The following PRKD3 variants were observed in gnomAD, a reference collection of about 807,000 sequenced individuals.
PRKD3 encodes the protein protein kinase D3.
PRKD3 carries 47 observed loss-of-function variants against 99.2 expected under a neutral mutation model. That is an observed-to-expected ratio of 0.47 (90% CI 0.38 to 0.60). The LOEUF is 0.60. Ranked by LOEUF, PRKD3 falls within the 20% of genes least tolerant of loss-of-function variation. The pLI is 0.00. For missense variants in PRKD3, 1,019 were observed against 1,088.4 expected (o/e 0.94, Z 0.90); for synonymous variants, 392 against 355.4 (o/e 1.10, Z -1.16).
At chr2:37,267,759 G>A in intron 13 of PRKD3, 1 of 439,128 alleles carries the variant, frequency 2.3e-6, no homozygotes, top group Non-Finnish European at 4.0e-6. Context: ...TATCTAAACA[G>A]GAGAAAATTT....
chr2:37,258,914 T>C (rs1668189194), intron 16 of PRKD3, among the ~76,000 whole-genome samples: 1 of 152,172 alleles, frequency 6.6e-6, no homozygotes, highest in Non-Finnish European at 1.5e-5. Context: ...ATCGGAGGAA[T>C]CATCCTTGCC....
intron 2 of PRKD3, among the ~76,000 whole-genome samples, chr2:37,311,881 G>C (rs1274034471): frequency 1.3e-5 from 2 of 152,104 alleles, no homozygotes; most frequent in African/African-American, 4.8e-5. Flanking sequence ...AATTGGTCTA[G>C]GAAGGACCTG....
At chr2:37,261,448 T>C (rs1004423908) in intron 14 of PRKD3, among the ~76,000 whole-genome samples, 2 of 149,754 alleles carry the variant, frequency 1.3e-5, no homozygotes, top group African/African-American at 5.0e-5. Flanking sequence ...GATCATGCCA[T>C]TGCACTCCAG....
chr2:37,303,314 G>A lies in PRKD3; in HGVS notation c.289-10043C>T, dbSNP rs75019707. On this transcript the variant is annotated intron_variant, in intron 2 of 18. Transcript: ENST00000234179. ...TGTTCTTAGATGCCAGACAAGCACT[G>A]GAGACCCAACAAGTGCCAGTACCCC... 1.4e-3 allele frequency among the ~76,000 whole-genome samples: 216 copies of A among 152,226 alleles called. 6 individuals are homozygous for A. In the East Asian group the frequency reaches 0.031, roughly 22 times the overall value.
At chr2:37,283,530 G>T (rs779488315) in intron 6 of PRKD3, among the ~76,000 whole-genome samples, 4 of 152,172 alleles carry the variant, frequency 2.6e-5, no homozygotes, top group Non-Finnish European at 4.4e-5. Flanking sequence ...GTATAATTTG[G>T]TGGAGAATAA....
intron 1 of PRKD3, among the ~76,000 whole-genome samples, chr2:37,321,990 A>G (rs1400912452): frequency 1.3e-5 from 2 of 152,256 alleles, no homozygotes; most frequent in Non-Finnish European, 2.9e-5. Context: ...CTATTGGAAT[A>G]ACAATATTTA....
At chr2:37,291,305 A>G (rs1292351786) in intron 3 of PRKD3, among the ~76,000 whole-genome samples, 2 of 152,242 alleles carry the variant, frequency 1.3e-5, no homozygotes, top group African/African-American at 4.8e-5. Context: ...AAAACTGCTT[A>G]ACTTACACAG....
intron 2 of PRKD3, among the ~76,000 whole-genome samples, chr2:37,313,031 T>C (rs543247267): frequency 7.2e-5 from 11 of 152,346 alleles, no homozygotes; most frequent in African/African-American, 2.6e-4. Flanking sequence ...TTCTAAGGTA[T>C]ATATTACATT....
At chr2:37,324,615 A>AGCG (rs79931255) in intron 1 of PRKD3, 66 bp downstream of exon 1, 43,164 of 142,842 alleles carry the variant, frequency 0.3, 7,561 homozygotes, top group East Asian at 0.41. Flanking sequence ...GGGAGAACAA[A>AGCG]GCGGCGGCGG....
intron 18 of PRKD3, among the ~76,000 whole-genome samples, chr2:37,253,685 A>G (rs1188246325): frequency 2.6e-5 from 4 of 152,162 alleles, no homozygotes; most frequent in Non-Finnish European, 5.9e-5. Flanking sequence ...AAAGTGGGGG[A>G]AAGTGCTTGG....
In PRKD3 at chr2:37,252,950, TA is replaced by T; in HGVS notation, c.*226del. The T allele has an allele frequency of 8.4e-6, 3 of 359,076 alleles. No homozygotes were observed. Among genetic ancestry groups the T allele is most frequent in the East Asian group, 4.3e-5 (1 of 23,048 alleles). 22.2% of individuals were successfully genotyped at this position (359,076 alleles called of 1,614,324 possible). A position where few individuals can be genotyped will look rare whatever the true frequency, so the allele number is the denominator to read the frequency against. On this transcript the variant is annotated 3_prime_UTR_variant, in exon 19 of 19. Coordinates refer to ENST00000234179, the MANE Select transcript of PRKD3 (RefSeq NM_005813.6). ...ATACAAAACCAGTTATTGCTTAGGCTAAAAAAGTTTATAAAAAGCTTCACCT... is the reference window on the plus strand; with the variant it reads ...ATACAAAACCAGTTATTGCTTAGGCTAAAAAGTTTATAAAAAGCTTCACCT...
rs561829072 is a variant in PRKD3, at chr2:37,295,367, G to A, written c.289-2096C>T. 9.2e-5 allele frequency among the ~76,000 whole-genome samples: 14 copies of A among 152,242 alleles called. No individual in the cohort carries two copies. The South Asian group carries it at 2.9e-3, about 32-fold the overall frequency. On this transcript the variant is annotated intron_variant, in intron 2 of 18. Transcript: ENST00000234179. ...TAGAGGGATTCAGTATGATACTTGAGCAGAACTAAAAAAGAGAAGCAGAGT... is the reference window on the plus strand; with the variant it reads ...TAGAGGGATTCAGTATGATACTTGAACAGAACTAAAAAAGAGAAGCAGAGT...
intron 2 of PRKD3, among the ~76,000 whole-genome samples, chr2:37,306,927 C>T (rs1428684079): frequency 6.6e-6 from 1 of 152,204 alleles, no homozygotes; most frequent in Non-Finnish European, 1.5e-5. Context: ...TTTTACTAAG[C>T]CCCTACAATG....
chr2:37,316,988 GTTT>G lies in PRKD3; in HGVS notation c.-467_-465del. On this transcript the variant is annotated 5_prime_UTR_variant, in exon 2 of 19. Transcript: ENST00000234179. ...TAATCTATTCAGTACTTTTCCTTTGGTTTACTAATTTGATAGGACACCTTCTCA... is the reference window on the plus strand; with the variant it reads ...TAATCTATTCAGTACTTTTCCTTTGGACTAATTTGATAGGACACCTTCTCA... The G allele has an allele frequency of 1.0e-6, 1 of 986,956 alleles. No homozygotes were observed. Among genetic ancestry groups the G allele is most frequent in the Non-Finnish European group, 1.2e-6 (1 of 831,190 alleles). 61.1% of individuals were successfully genotyped at this position (986,956 alleles called of 1,614,324 possible).
chr2:37,298,912 CTATT>C (rs1156387012), intron 2 of PRKD3, among the ~76,000 whole-genome samples: 1 of 152,168 alleles, frequency 6.6e-6, no homozygotes, highest in African/African-American at 2.4e-5. Context: ...TGGATACCAT[CTATT>C]TCTTTCTCTT....
At chr2:37,289,814 A>T (rs1261048476) in intron 4 of PRKD3, among the ~76,000 whole-genome samples, 3 of 152,228 alleles carry the variant, frequency 2.0e-5, no homozygotes, top group Non-Finnish European at 4.4e-5. Context: ...TGAATTAGAA[A>T]CTACGGGGAT....
At chr2:37,289,086 A>AAT (rs1407458986) in intron 5 of PRKD3, among the ~76,000 whole-genome samples, 1 of 151,748 alleles carries the variant, frequency 6.6e-6, no homozygotes, top group East Asian at 1.9e-4. Flanking sequence ...AAATTAAAAA[A>AAT]AAAAAAGATT....
chr2:37,271,027 G>C lies in PRKD3; in HGVS notation c.1705-1340C>G, dbSNP rs76698354. Among the ~76,000 whole-genome samples, 3 of 152,254 alleles carry C rather than the reference G, an allele frequency of 2.0e-5. No individual in the cohort carries two copies. The East Asian group carries it at 5.8e-4, about 29-fold the overall frequency. ...TCTATTCTACCTCTCAACAGGACAA[G>C]AGACTCATAGATTATATCTCTGAAA... On this transcript the variant is annotated intron_variant, in intron 12 of 18. Transcript: ENST00000234179.
chr2:37,286,871 TAAG>T (rs1417825542), intron 5 of PRKD3, among the ~76,000 whole-genome samples: 2 of 152,162 alleles, frequency 1.3e-5, no homozygotes, highest in African/African-American at 2.4e-5. Flanking sequence ...AATTCAGCTT[TAAG>T]AAGAAGTAAA....
Sources: gnomAD v4.1 joint callset for allele counts (sites outside exome capture counted in the v4.1 genomes callset) on GRCh38, gnomAD v4.1.1 for gene constraint, MANE v1.5 for transcripts, NCBI Gene and HGNC (gene_info 2026-07-23, HGNC 2026-07-21) for gene names.